The following SPON1 variants were observed in gnomAD, a reference collection of about 807,000 sequenced individuals.
SPON1 encodes the protein spondin 1.
SPON1 carries 52 observed loss-of-function variants against 111.7 expected under a neutral mutation model. The ratio of observed to expected loss-of-function variants is 0.47; its 90% CI spans 0.37 to 0.59. SPON1 has a LOEUF of 0.59. SPON1 is among the 20% of genes least tolerant of loss of function. SPON1 has a pLI of 0.00. For synonymous variants in SPON1, 410 were observed against 395.8 expected (o/e 1.04, Z -0.43); for missense variants, 957 against 1,068.5 (o/e 0.90, Z 1.46).
chr11:14,142,462 C>T (rs1847667433), intron 6 of SPON1, among the ~76,000 whole-genome samples: 1 of 152,094 alleles, frequency 6.6e-6, no homozygotes, highest in Non-Finnish European at 1.5e-5. Context: ...TTTGCCCTAA[C>T]ATTTTTTCCC....
chr11:14,160,750 A>ATT (rs1847923123), intron 6 of SPON1, among the ~76,000 whole-genome samples: 3 of 48,000 alleles, frequency 6.3e-5, no homozygotes, highest in African/African-American at 8.4e-5. Flanking sequence ...ATTTATATAT[A>ATT]TTTATATATA....
intron 1 of SPON1, among the ~76,000 whole-genome samples, chr11:13,980,924 T>C (rs1848138959): frequency 6.6e-6 from 1 of 152,222 alleles, no homozygotes; most frequent in Non-Finnish European, 1.5e-5. Flanking sequence ...TATGTTTTAC[T>C]TTCCTATCCG....
intron 6 of SPON1, among the ~76,000 whole-genome samples, chr11:14,162,746 A>T (rs1386756802): frequency 6.6e-6 from 1 of 152,254 alleles, no homozygotes; most frequent in Non-Finnish European, 1.5e-5. Context: ...AATAACTGGT[A>T]TAAGGAGGTT....
intron 2 of SPON1, among the ~76,000 whole-genome samples, chr11:14,035,187 G>A (rs552071697): frequency 1.2e-4 from 18 of 152,260 alleles, no homozygotes; most frequent in African/African-American, 4.3e-4. Context: ...ATTGGCTAGA[G>A]AGAAATTTCC....
At chr11:14,019,986 G>A (rs990780973) in intron 2 of SPON1, among the ~76,000 whole-genome samples, 3 of 152,192 alleles carry the variant, frequency 2.0e-5, no homozygotes, top group African/African-American at 4.8e-5. Flanking sequence ...ATGGTCACCT[G>A]AAACTCAAGG....
chr11:14,010,449 C>T (rs1250454059), intron 2 of SPON1, among the ~76,000 whole-genome samples: 4 of 151,758 alleles, frequency 2.6e-5, no homozygotes, highest in African/African-American at 7.3e-5. Context: ...TTGAGGGGCA[C>T]GTGAAGCAGC....
At chr11:13,997,693 T>G (rs2133790799) in intron 2 of SPON1, among the ~76,000 whole-genome samples, 1 of 152,312 alleles carries the variant, frequency 6.6e-6, no homozygotes, top group Non-Finnish European at 1.5e-5. Context: ...AGAGAGACAG[T>G]CTTCTCTAGT....
chr11:14,145,390 C>A (rs1344942650), intron 6 of SPON1, among the ~76,000 whole-genome samples: 1 of 152,088 alleles, frequency 6.6e-6, no homozygotes, highest in Non-Finnish European at 1.5e-5. Context: ...TCAAGACTTA[C>A]AGAATATTTG....
At chr11:13,994,411 A>G (rs766178935) in intron 2 of SPON1, among the ~76,000 whole-genome samples, 2 of 152,124 alleles carry the variant, frequency 1.3e-5, no homozygotes, top group Non-Finnish European at 2.9e-5. Flanking sequence ...TATGGTTCTA[A>G]TATGTATTGC....
At chr11:14,044,727 C>A in intron 3 of SPON1, among the ~76,000 whole-genome samples, 1 of 152,214 alleles carries the variant, frequency 6.6e-6, no homozygotes, top group East Asian at 1.9e-4. Context: ...TCTGCTTTTA[C>A]ATTCACGAAG....
chr11:14,250,644 T>C (rs1849043468), intron 7 of SPON1, among the ~76,000 whole-genome samples: 2 of 152,270 alleles, frequency 1.3e-5, no homozygotes. Flanking sequence ...AGAAAACGGA[T>C]ACAAATCTAA....
At chr11:14,143,863 G>T (rs1420134099) in intron 6 of SPON1, among the ~76,000 whole-genome samples, 2 of 152,158 alleles carry the variant, frequency 1.3e-5, no homozygotes, top group Non-Finnish European at 2.9e-5. Flanking sequence ...ACATTACTAG[G>T]CCTAAACACA....
chr11:14,002,773 G>T (rs1032469690), intron 2 of SPON1, among the ~76,000 whole-genome samples: 1 of 152,116 alleles, frequency 6.6e-6, no homozygotes, highest in African/African-American at 2.4e-5. Context: ...CATCCACCAA[G>T]GGGAGAGAGA....
chr11:13,982,856 C>T lies in SPON1; in HGVS notation c.248C>T (p.Ser83Leu). Reference protein sequence around the residue: ...KPGTSYRVTLSAAPPSYFRGF... With the variant: ...KPGTSYRVTLLAAPPSYFRGF... ...TTTTCTCTCTCTGCAGTAACACTTT[C>T]AGCTGCTCCTCCCTCCTACTTCAGA... The change falls in exon 2 of 16, where the codon TCA becomes TTA. Residue 83 changes from serine to leucine, a missense_variant. Around this residue, in one of 5 missense-constraint regions of SPON1, gnomAD observed 262 missense variants for 253.9 expected, o/e 1.03. Coordinates refer to ENST00000576479, the MANE Select transcript of SPON1 (RefSeq NM_006108.4). The T allele has an allele frequency of 6.4e-7, 1 of 1,556,698 alleles. No homozygotes were observed. Among genetic ancestry groups the T allele is most frequent in the Non-Finnish European group, 8.7e-7 (1 of 1,148,584 alleles).
chr11:14,241,867 G>A (rs1182379674), intron 6 of SPON1, among the ~76,000 whole-genome samples: 2 of 152,188 alleles, frequency 1.3e-5, no homozygotes, highest in Non-Finnish European at 2.9e-5. Context: ...CTGCAGACAT[G>A]TGAATGTTGG....
chr11:14,055,473 A>C (rs1848738261), intron 3 of SPON1, among the ~76,000 whole-genome samples: 1 of 152,238 alleles, frequency 6.6e-6, no homozygotes, highest in South Asian at 2.1e-4. Flanking sequence ...TTAAATGGAA[A>C]GTATTATTTG....
intron 5 of SPON1, among the ~76,000 whole-genome samples, chr11:14,124,286 G>A (rs1226238412): frequency 6.6e-6 from 1 of 151,824 alleles, no homozygotes; most frequent in African/African-American, 2.4e-5. Context: ...CTATTATTTT[G>A]TCTACAAAAA....
chr11:14,113,603 T>A lies in SPON1; in HGVS notation c.677-21817T>A, dbSNP rs1554925681. On this transcript the variant is annotated intron_variant, in intron 5 of 15. Transcript: ENST00000576479. ...TTTTTTTTTTTTTTTTTTTTTTTTTTTTTTTTTTTTTTTTTTTGAGACGGA... is the reference window on the plus strand; with the variant it reads ...TTTTTTTTTTTTTTTTTTTTTTTTTATTTTTTTTTTTTTTTTTGAGACGGA... 1.8e-3 allele frequency among the ~76,000 whole-genome samples: 129 copies of A among 71,764 alleles called. 14 individuals are homozygous for A. The highest frequency in any genetic ancestry group is 7.0e-3 in the African/African-American group (122 of 17,324). 47.1% of individuals were successfully genotyped at this position (71,764 alleles called of 152,430 possible).
In SPON1 at chr11:14,251,859, A is replaced by G. The variant is rs16913767; in HGVS notation, c.891-2669A>G. On this transcript the variant is annotated intron_variant, in intron 7 of 15. Coordinates refer to ENST00000576479, the MANE Select transcript of SPON1 (RefSeq NM_006108.4). ...GAACCAGGTCTTTAAAGAAGCTGCT[A>G]AAATCACTGACCTACATGCCAGAAA... Among the ~76,000 whole-genome samples, 527 of 152,374 alleles carry G rather than the reference A, an allele frequency of 3.5e-3. 10 individuals carry two copies. In the East Asian group the frequency reaches 0.04, roughly 12 times the overall value.
Sources: allele counts gnomAD v4.1 joint callset (sites outside exome capture counted in the v4.1 genomes callset), GRCh38; gene constraint gnomAD v4.1.1; regional missense constraint gnomAD v4.1.1; transcripts MANE v1.5; gene names NCBI Gene and HGNC (gene_info 2026-07-23, HGNC 2026-07-21).